The following KCNIP1 variants were observed in gnomAD, a reference collection of about 807,000 sequenced individuals.
The protein encoded by KCNIP1 is A-type potassium channel modulatory protein KCNIP1.
KCNIP1 carries 18 observed loss-of-function variants against 33.0 expected under a neutral mutation model. The ratio of observed to expected loss-of-function variants is 0.55; its 90% CI spans 0.38 to 0.81. The LOEUF (loss-of-function observed/expected upper bound fraction) is 0.81, where lower values mean the gene tolerates loss of function less well. Among genes scored for constraint, KCNIP1 ranks in the 30% least tolerant of loss-of-function variants. The pLI is 0.00. For synonymous variants in KCNIP1, 93 were observed against 98.3 expected, an observed-to-expected ratio of 0.95 and a Z score of 0.32; for missense variants, 238 against 271.6, an observed-to-expected ratio of 0.88 and a Z score of 0.87.
rs567642070 is a variant in KCNIP1 at position 170,561,543 on chromosome 5, A to C, written c.61+56910A>C. Among the ~76,000 whole-genome samples, 378 of 152,280 alleles carry C rather than the reference A, an allele frequency of 2.5e-3. 2 individuals carry two copies. Among genetic ancestry groups the C allele is most frequent in the African/African-American group, 8.7e-3 (360 of 41,558 alleles). On this transcript the variant is annotated intron_variant, in intron 1 of 7. Coordinates refer to ENST00000328939, the MANE Select transcript of KCNIP1 (RefSeq NM_014592.4). ...TGGCTTCCTCCTCTCTTCCCTCAGT[A>C]CCTACAGGGCAGAATCTAGAGCTTG...
intron 1 of KCNIP1, among the ~76,000 whole-genome samples, chr5:170,480,714 G>A (rs1315211209): frequency 6.6e-6 from 1 of 152,090 alleles, no homozygotes; most frequent in Non-Finnish European, 1.5e-5. Context: ...AAACTGCTGG[G>A]ATTACAGGCG....
intron 5 of KCNIP1, among the ~76,000 whole-genome samples, chr5:170,731,304 A>G (rs376629418): frequency 9.2e-5 from 14 of 152,204 alleles, no homozygotes; most frequent in African/African-American, 3.4e-4. Flanking sequence ...CATAACTTCA[A>G]TCTAATCATA....
chr5:170,389,296 A>G (rs703508), intron 1 of KCNIP1: 130,798 of 151,688 alleles, frequency 0.86, 56,751 homozygotes, highest in Non-Finnish European at 0.89. Flanking sequence ...AGCAGCAGAC[A>G]GTTTCTTTCT....
chr5:170,643,556 G>T (rs998766528), intron 1 of KCNIP1, among the ~76,000 whole-genome samples: 29 of 152,150 alleles, frequency 1.9e-4, no homozygotes, highest in African/African-American at 7.0e-4. Context: ...CTGAAATCAG[G>T]GACCAGATGC....
chr5:170,560,564 G>A (rs1158802233), intron 1 of KCNIP1, among the ~76,000 whole-genome samples: 1 of 152,094 alleles, frequency 6.6e-6, no homozygotes, highest in Non-Finnish European at 1.5e-5. Flanking sequence ...TGCCCCCGGG[G>A]ATCAGGGACC....
At chr5:170,572,798 C>T (rs917047873) in intron 1 of KCNIP1, among the ~76,000 whole-genome samples, 1 of 152,210 alleles carries the variant, frequency 6.6e-6, no homozygotes, top group Non-Finnish European at 1.5e-5. Flanking sequence ...TGAGACTGCT[C>T]TCTTTACAGA....
chr5:170,720,509 G>C, intron 3 of KCNIP1, 119 bp downstream of exon 3: 1 of 778,678 alleles, frequency 1.3e-6, no homozygotes, highest in Non-Finnish European at 2.2e-6. Context: ...ACAAACTCAG[G>C]GCAGGACACC....
intron 1 of KCNIP1, among the ~76,000 whole-genome samples, chr5:170,433,178 TTTTTA>T (rs995593664): frequency 6.6e-6 from 1 of 152,132 alleles, no homozygotes; most frequent in Non-Finnish European, 1.5e-5. Flanking sequence ...TTTTTGTTTC[TTTTTA>T]TTTTATTTAT....
intron 6 of KCNIP1, 65 bp from the exon 7 acceptor site, chr5:170,733,771 A>G (rs868805300): frequency 7.6e-7 from 1 of 1,309,666 alleles, no homozygotes; most frequent in Non-Finnish European, 1.1e-6. Context: ...GCAAGAAAGC[A>G]GGGGAGTAAG....
chr5:170,531,541 C>T (rs2113346446), intron 1 of KCNIP1, among the ~76,000 whole-genome samples: 1 of 152,316 alleles, frequency 6.6e-6, no homozygotes, highest in East Asian at 1.9e-4. Flanking sequence ...ACAATTATTC[C>T]CATCATTGGT....
At chr5:170,419,746 T>G (rs1050097719) in intron 1 of KCNIP1, among the ~76,000 whole-genome samples, 4 of 152,216 alleles carry the variant, frequency 2.6e-5, no homozygotes, top group Non-Finnish European at 5.9e-5. Context: ...ATAATTGCAT[T>G]GGGACGCAGG....
In KCNIP1 at chr5:170,721,764, C is replaced by G. The variant is rs528298761; in HGVS notation, c.257-69C>G. 6.4e-5 allele frequency: 103 copies of G among 1,614,178 alleles called. No homozygotes were observed. In the South Asian group the frequency reaches 8.0e-4, roughly 13 times the overall value. ...CCTCTCTTTCTTGTCGAAGCCCTGC[C>G]TTGTTTGGAAGGTTCTCCCTGTGTG... On this transcript the variant is annotated intron_variant, in intron 3 of 7. Coordinates refer to ENST00000328939, the MANE Select transcript of KCNIP1 (RefSeq NM_014592.4).
chr5:170,692,348 G>A (rs184610336), intron 1 of KCNIP1, among the ~76,000 whole-genome samples: 99 of 152,254 alleles, frequency 6.5e-4, no homozygotes, highest in African/African-American at 2.0e-3. Context: ...CAGGCAAAGC[G>A]GGGAGTTTTG....
chr5:170,491,627 G>T (rs769802030), intron 1 of KCNIP1, among the ~76,000 whole-genome samples: 2 of 152,176 alleles, frequency 1.3e-5, no homozygotes, highest in Non-Finnish European at 2.9e-5. Context: ...TCATCTTAAG[G>T]GCATTTAGTA....
At chr5:170,414,119 A>G (rs949122434) in intron 1 of KCNIP1, among the ~76,000 whole-genome samples, 1 of 152,168 alleles carries the variant, frequency 6.6e-6, no homozygotes, top group African/African-American at 2.4e-5. Context: ...AATCCAATCA[A>G]GAGTGTTGCA....
chr5:170,388,024 C>A (rs549889263), intron 1 of KCNIP1, among the ~76,000 whole-genome samples: 8 of 152,238 alleles, frequency 5.3e-5, no homozygotes, highest in South Asian at 2.1e-4. Context: ...ATCAGCCCCC[C>A]CCAGCGCCCA....
chr5:170,504,197 C>T lies in KCNIP1; in HGVS notation c.-376C>T. The T allele has an allele frequency of 9.7e-7, 1 of 1,033,866 alleles. No individual in the cohort carries two copies. Among genetic ancestry groups the T allele is most frequent in the Non-Finnish European group, 1.2e-6 (1 of 862,600 alleles). 64.0% of individuals were successfully genotyped at this position (1,033,866 alleles called of 1,614,324 possible). ...AGGAGGGGCGGGCGGACGGCGGCTC[C>T]CGCACCGCACGCGGCGCTGGCTCGG... On this transcript the variant is annotated 5_prime_UTR_variant, in exon 1 of 8. Transcript: ENST00000328939. This position sits in a 1 kb window ranked among gnomAD's most constrained non-coding sequence, Gnocchi z 6.0.
At chr5:170,508,412 T>C (rs944730530) in intron 1 of KCNIP1, among the ~76,000 whole-genome samples, 1 of 152,202 alleles carries the variant, frequency 6.6e-6, no homozygotes, top group African/African-American at 2.4e-5. Context: ...AGGGAACTTA[T>C]GGAAGCAGAG....
intron 1 of KCNIP1, among the ~76,000 whole-genome samples, chr5:170,624,107 G>A (rs1759719014): frequency 6.6e-6 from 1 of 152,216 alleles, no homozygotes. Flanking sequence ...ACTTTAACCA[G>A]GGCAAACTCA....
Sources: gnomAD v4.1 joint callset for allele counts (sites outside exome capture counted in the v4.1 genomes callset) on GRCh38, gnomAD v4.1.1 for gene constraint, Gnocchi (gnomAD v3.1) non-coding constraint, MANE v1.5 for transcripts, NCBI Gene and HGNC (gene_info 2026-07-23, HGNC 2026-07-21) for gene names.